Variants in ACTR3C observed in about 807,000 individuals in gnomAD.
ACTR3C encodes actin related protein 3C.
Under a neutral mutation model 26.3 loss-of-function variants are expected in ACTR3C, and 18 were observed. The ratio of observed to expected loss-of-function variants is 0.68; its 90% confidence interval spans 0.47 to 1.01. The LOEUF (loss-of-function observed/expected upper bound fraction) is 1.01, where lower values mean the gene tolerates loss of function less well. Among genes scored for constraint, ACTR3C ranks in the 50% least tolerant of loss-of-function variants. ACTR3C has a pLI of 0.00. For synonymous variants in ACTR3C, 55 were observed against 94.5 expected, an observed-to-expected ratio of 0.58 and a Z score of 2.42; for missense variants, 184 against 250.7, an observed-to-expected ratio of 0.73 and a Z score of 1.80.
chr7:150,120,278 A>G, the ACTR3C span, among the ~76,000 whole-genome samples: 3 of 152,164 alleles, frequency 2.0e-5, no homozygotes, highest in African/African-American at 7.2e-5. Context: ...ACCCTTCAAA[A>G]ATCAATGAAT....
the ACTR3C span, among the ~76,000 whole-genome samples, chr7:150,036,171 C>T: frequency 0.049 from 6,628 of 136,424 alleles, 680 homozygotes; most frequent in African/African-American, 0.14. Context: ...TCCCCCCCCG[C>T]GATGGGAGTC....
the ACTR3C span, among the ~76,000 whole-genome samples, chr7:150,039,831 C>A: frequency 7.5e-6 from 1 of 132,694 alleles, no homozygotes; most frequent in Non-Finnish European, 1.7e-5. Flanking sequence ...GTGCCTCCGC[C>A]CCCAGCGATG....
the ACTR3C span, among the ~76,000 whole-genome samples, chr7:150,230,568 T>C: frequency 6.6e-6 from 1 of 152,112 alleles, no homozygotes; most frequent in African/African-American, 2.4e-5. Flanking sequence ...TATTGTGAAC[T>C]GCCTGCATGC....
the ACTR3C span, chr7:150,003,133 TGTGTGTGTGTGTTTGTGTGTGTATG>T: frequency 6.6e-6 from 1 of 152,160 alleles, no homozygotes; most frequent in Non-Finnish European, 1.5e-5. Flanking sequence ...CAGAAGTTTG[TGTGTGTGTGTGTTTGTGTGTGTATG>T]GTGTGTGTGT....
chr7:150,310,276 C>T (rs1321284109), intron 1 of ACTR3C, among the ~76,000 whole-genome samples: 3 of 152,148 alleles, frequency 2.0e-5, no homozygotes, highest in Non-Finnish European at 4.4e-5. Context: ...TCTCTGGCAA[C>T]CGACCATGCA....
At chr7:149,938,792 C>T in the ACTR3C span, among the ~76,000 whole-genome samples, 1 of 151,112 alleles carries the variant, frequency 6.6e-6, no homozygotes. Context: ...ATTGGTTTAA[C>T]CAAAATTGAA....
chr7:150,311,114 C>T (rs1271499031), intron 1 of ACTR3C, among the ~76,000 whole-genome samples: 1 of 152,198 alleles, frequency 6.6e-6, no homozygotes, highest in Non-Finnish European at 1.5e-5. Flanking sequence ...TTTACAAGCT[C>T]ACTAAAGGTG....
the ACTR3C span, among the ~76,000 whole-genome samples, chr7:150,134,662 G>A: frequency 6.6e-6 from 1 of 152,298 alleles, no homozygotes; most frequent in African/African-American, 2.4e-5. Context: ...GCCACCAGAG[G>A]GGTCGCTTTC....
At chr7:150,042,053 A>AAG in the ACTR3C span, among the ~76,000 whole-genome samples, 4 of 96,294 alleles carry the variant, frequency 4.2e-5, no homozygotes, top group African/African-American at 1.1e-4. Flanking sequence ...GGGGGGTCCT[A>AAG]AGCCAGGGGG....
At chr7:149,922,578 C>G in the ACTR3C span, among the ~76,000 whole-genome samples, 4 of 152,032 alleles carry the variant, frequency 2.6e-5, no homozygotes, top group African/African-American at 9.7e-5. Context: ...GATGCCACAT[C>G]TCAGTATCCT....
the ACTR3C span, among the ~76,000 whole-genome samples, chr7:149,912,538 TCGAGCAGGC>T: frequency 6.6e-6 from 1 of 150,388 alleles, no homozygotes; most frequent in East Asian, 2.0e-4. Context: ...TTTCGCTCTT[TCGAGCAGGC>T]TAGAGAGTGC....
chr7:149,931,546 C>A, the ACTR3C span, among the ~76,000 whole-genome samples: 1 of 152,148 alleles, frequency 6.6e-6, no homozygotes. Flanking sequence ...CAGTGACACG[C>A]CATGGCTTTG....
chr7:150,140,591 C>G, the ACTR3C span, among the ~76,000 whole-genome samples: 2 of 152,038 alleles, frequency 1.3e-5, no homozygotes, highest in Non-Finnish European at 2.9e-5. Context: ...CTAAGTGATA[C>G]CAGATATCTA....
At chr7:150,121,789 A>G in the ACTR3C span, among the ~76,000 whole-genome samples, 1 of 152,074 alleles carries the variant, frequency 6.6e-6, no homozygotes, top group African/African-American at 2.4e-5. Context: ...AATCCTAAGC[A>G]AAAAGAATAA....
At chr7:150,190,931 C>T in the ACTR3C span, among the ~76,000 whole-genome samples, 3,540 of 152,220 alleles carry the variant, frequency 0.023, 53 homozygotes, top group South Asian at 0.039. Flanking sequence ...ACCATCACGC[C>T]TCAGGAGGAC....
chr7:150,042,858 G>A, the ACTR3C span, among the ~76,000 whole-genome samples: 43 of 151,256 alleles, frequency 2.8e-4, no homozygotes, highest in African/African-American at 9.0e-4. Flanking sequence ...TCTCTCTGAC[G>A]CATACAATGG....
In ACTR3C at chr7:150,282,143, C is replaced by T. The variant is rs576049733; in HGVS notation, c.564+2610G>A. ...TGCCCACCAAACATTCTATCACCCTCCCGCTTCCAGTGCCCGGTGGAGGCT... is the reference window on the plus strand; with the variant it reads ...TGCCCACCAAACATTCTATCACCCTTCCGCTTCCAGTGCCCGGTGGAGGCT... On this transcript the variant is annotated intron_variant, in intron 6 of 7. Coordinates refer to ENST00000683684, the MANE Select transcript of ACTR3C (RefSeq NM_001164458.2). Among the ~76,000 whole-genome samples, 300 of 142,800 alleles carry T rather than the reference C, an allele frequency of 2.1e-3. 2 individuals are homozygous for T. Among genetic ancestry groups the T allele is most frequent in the African/African-American group, 7.9e-3 (273 of 34,440 alleles). The allele number at this position is 142,800 out of a possible 152,430, so 93.7% of individuals were successfully genotyped here. A position where few individuals can be genotyped will look rare whatever the true frequency, so the allele number is the denominator to read the frequency against.
At chr7:150,083,176 C>A in the ACTR3C span, among the ~76,000 whole-genome samples, 3 of 151,430 alleles carry the variant, frequency 2.0e-5, no homozygotes, top group Admixed American at 1.3e-4. Context: ...TGGTCTCAAA[C>A]TCCTGACCTC....
At chr7:150,284,936 A>C in intron 5 of ACTR3C, 91 bp from the exon 6 acceptor site, 1 of 1,154,930 alleles carries the variant, frequency 8.7e-7, no homozygotes, top group Non-Finnish European at 1.2e-6. Flanking sequence ...TAACAAATAT[A>C]CAATTTATTA....
Sources: gnomAD v4.1 joint callset for allele counts (sites outside exome capture counted in the v4.1 genomes callset) on GRCh38, gnomAD v4.1.1 for gene constraint, MANE v1.5 for transcripts, NCBI Gene and HGNC (gene_info 2026-07-23, HGNC 2026-07-21) for gene names.